CIT: variants seen among roughly 807,000 people sequenced by gnomAD.
The protein encoded by CIT is citron Rho-interacting kinase.
A neutral mutation model predicts 272.7 loss-of-function variants in CIT; 79 were observed. The observed-to-expected ratio is 0.29, with a 90% CI of 0.24 to 0.35. The LOEUF (loss-of-function observed/expected upper bound fraction) is 0.35, where lower values mean the gene tolerates loss of function less well. Among genes scored for constraint, CIT ranks in the 10% least tolerant of loss-of-function variants. The pLI is 1.00. For synonymous variants in CIT, 948 were observed against 995.6 expected (o/e 0.95, Z 0.90); for missense variants, 1,909 against 2,618.3 (o/e 0.73, Z 5.91).
chr12:119,745,945 AT>A (rs1457093474), intron 23 of CIT, among the ~76,000 whole-genome samples: 1 of 152,050 alleles, frequency 6.6e-6, no homozygotes, highest in East Asian at 1.9e-4. Flanking sequence ...ACAGATCTTA[AT>A]TTTTTTTCTA....
intron 28 of CIT, among the ~76,000 whole-genome samples, chr12:119,727,279 C>G (rs1958166700): frequency 6.6e-6 from 1 of 152,174 alleles, no homozygotes; most frequent in South Asian, 2.1e-4. Flanking sequence ...CCCCCATACT[C>G]TTACTTGAAA....
chr12:119,747,805 T>C (rs1959665092), intron 23 of CIT, among the ~76,000 whole-genome samples: 1 of 152,206 alleles, frequency 6.6e-6, no homozygotes, highest in Non-Finnish European at 1.5e-5. Context: ...AACATTGCTT[T>C]TGCACCATCA....
intron 5 of CIT, among the ~76,000 whole-genome samples, chr12:119,849,090 G>A (rs1970027388): frequency 6.6e-6 from 1 of 152,100 alleles, no homozygotes; most frequent in Non-Finnish European, 1.5e-5. Flanking sequence ...GAAAGCTTAT[G>A]TAACCATTTA....
chr12:119,876,375 T>C (rs374545741), intron 1 of CIT, among the ~76,000 whole-genome samples, 194 bp from the exon 2 acceptor site: 48 of 152,288 alleles, frequency 3.2e-4, no homozygotes, highest in African/African-American at 1.1e-3. Context: ...GATACACTTA[T>C]CTGACATACT....
Position 119,730,499 on chromosome 12 carries a change from T to C in CIT, c.3482A>G (p.Asp1161Gly). 6.2e-7 allele frequency: 1 copy of C among 1,611,846 alleles called. No individual in the cohort carries two copies. Among genetic ancestry groups the C allele is most frequent in the Non-Finnish European group, 8.5e-7 (1 of 1,178,090 alleles). The change falls in exon 27 of 48, where the codon GAC becomes GGC. Residue 1161 changes from aspartate to glycine, a missense_variant. Around this residue, in one of 8 missense-constraint regions of CIT, gnomAD observed 530 missense variants for 822.4 expected, o/e 0.64. Transcript: ENST00000392521. ...EQKLKAESLS[D>G]KLNDLEKKHA... ...GCAGAAGGGGTGGGCGCTGACCTTG[T>C]CAGAGAGGCTCTCGGCCTTCAGCTT...
At chr12:119,775,101 C>T (rs1473454786) in intron 16 of CIT, among the ~76,000 whole-genome samples, 2 of 152,000 alleles carry the variant, frequency 1.3e-5, no homozygotes, top group Non-Finnish European at 2.9e-5. Context: ...GGTGAAACCC[C>T]GTGTCTATTA....
At chr12:119,853,481 G>A (rs888219775) in intron 4 of CIT, among the ~76,000 whole-genome samples, 2 of 152,094 alleles carry the variant, frequency 1.3e-5, no homozygotes, top group Non-Finnish European at 2.9e-5. Context: ...GTCTCACCAT[G>A]TTACCTAGGC....
rs369688201 is a variant in CIT, at chr12:119,782,521, C to T, written c.1662G>A (p.Glu554=). The T allele has an allele frequency of 5.5e-5, 89 of 1,613,858 alleles. No individual in the cohort carries two copies. Among genetic ancestry groups the T allele is most frequent in the Non-Finnish European group, 7.1e-5 (84 of 1,179,980 alleles). The change falls in exon 13 of 48, where the codon GAG becomes GAA. Residue 554 remains glutamate (E), a synonymous_variant. Coordinates refer to ENST00000392521, the MANE Select transcript of CIT (RefSeq NM_001206999.2). ...GCTCCCAGGCAAGCAGGCCTACCTG[C>T]TCTTTGATTTCTTGGAGCTTCCGGC... ...EQSRKLQEIK[E]QEYQAQVEEM... is the part of the protein sequence containing the mutation.
At chr12:119,809,852 G>A (rs1052795330) in intron 9 of CIT, among the ~76,000 whole-genome samples, 1 of 152,164 alleles carries the variant, frequency 6.6e-6, no homozygotes, top group African/African-American at 2.4e-5. Flanking sequence ...TGTTGATCAT[G>A]CCTATCCAAT....
intron 9 of CIT, among the ~76,000 whole-genome samples, chr12:119,814,807 C>T (rs1055649459): frequency 9.2e-5 from 14 of 151,876 alleles, no homozygotes; most frequent in Admixed American, 3.9e-4. Context: ...GAGGCCGAGG[C>T]GGGCGGATTA....
intron 3 of CIT, among the ~76,000 whole-genome samples, chr12:119,867,574 A>G (rs919482755): frequency 6.6e-6 from 1 of 152,272 alleles, no homozygotes; most frequent in Non-Finnish European, 1.5e-5. Flanking sequence ...CAAATTCAGC[A>G]CTGTTGGCAT....
At chr12:119,790,395 G>T (rs993317340) in intron 10 of CIT, among the ~76,000 whole-genome samples, 1 of 152,256 alleles carries the variant, frequency 6.6e-6, no homozygotes, top group South Asian at 2.1e-4. Context: ...ACTCTAAAAT[G>T]ATGGGCAATG....
chr12:119,815,110 AC>A (rs34142639), intron 9 of CIT, among the ~76,000 whole-genome samples: 6 of 15,778 alleles, frequency 3.8e-4, no homozygotes, highest in African/African-American at 1.5e-3. Flanking sequence ...CACACAACAC[AC>A]ACACACACAC....
chr12:119,808,567 TTAA>T (rs1966735718), intron 9 of CIT, among the ~76,000 whole-genome samples: 1 of 152,112 alleles, frequency 6.6e-6, no homozygotes, highest in South Asian at 2.1e-4. Context: ...CCTAAGACTT[TTAA>T]TCATCACCAT....
chr12:119,858,225 G>A (rs1950227122), intron 3 of CIT, among the ~76,000 whole-genome samples: 1 of 152,088 alleles, frequency 6.6e-6, no homozygotes, highest in Admixed American at 6.6e-5. Flanking sequence ...GTGCTTAAAG[G>A]GGCAGAGGGG....
At chr12:119,825,610 T>C (rs1162783129) in intron 7 of CIT, among the ~76,000 whole-genome samples, 5 of 151,780 alleles carry the variant, frequency 3.3e-5, no homozygotes, top group Admixed American at 6.6e-5. Context: ...GTTGATGATA[T>C]ACACACAGCC....
Position 119,798,537 on chromosome 12 carries a change from G to A in CIT, c.1295+4669C>T, listed in dbSNP as rs906843172. Among the ~76,000 whole-genome samples, 77 of 152,104 alleles carry A rather than the reference G, an allele frequency of 5.1e-4. 1 individual carries two copies. The highest frequency in any genetic ancestry group is 1.9e-3 in the African/African-American group (77 of 41,416). On this transcript the variant is annotated intron_variant, in intron 10 of 47. Transcript: ENST00000392521. ...GAACACAGCCTAGAACACAGTTGGT[G>A]CCCTGTAAGGATGGGCTGTTGTTAG...
At chr12:119,789,783 T>C (rs1965140364) in intron 10 of CIT, among the ~76,000 whole-genome samples, 1 of 152,194 alleles carries the variant, frequency 6.6e-6, no homozygotes, top group Non-Finnish European at 1.5e-5. Context: ...CTCGGCTCAC[T>C]GCAACCTCCA....
chr12:119,775,367 C>T (rs1449391073), intron 16 of CIT, among the ~76,000 whole-genome samples: 2 of 152,216 alleles, frequency 1.3e-5, no homozygotes, highest in Non-Finnish European at 2.9e-5. Flanking sequence ...ATCCACGCCC[C>T]TTCCCAATCA....
Sources: gnomAD v4.1 joint callset for allele counts (sites outside exome capture counted in the v4.1 genomes callset) on GRCh38, gnomAD v4.1.1 for gene constraint, gnomAD v4.1.1 regional missense constraint, MANE v1.5 for transcripts, NCBI Gene and HGNC (gene_info 2026-07-23, HGNC 2026-07-21) for gene names.